PIK3C2G: variants seen among roughly 807,000 people sequenced by gnomAD.
PIK3C2G encodes phosphatidylinositol 3-kinase C2 domain-containing subunit gamma.
In PIK3C2G, 168 loss-of-function variants were observed where a neutral mutation model predicts 181.1. The ratio of observed to expected loss-of-function variants is 0.93; its 90% CI spans 0.82 to 1.05. The LOEUF (loss-of-function observed/expected upper bound fraction) is 1.05, where lower values mean the gene tolerates loss of function less well. PIK3C2G is among the 50% of genes least tolerant of loss of function. PIK3C2G has a pLI of 0.00. For missense variants in PIK3C2G, 1,869 were observed against 1,732.8 expected, an observed-to-expected ratio of 1.08 and a Z score of -1.40; for synonymous variants, 573 against 592.2, an observed-to-expected ratio of 0.97 and a Z score of 0.47.
chr12:18,482,682 A>G (rs766260511), intron 18 of PIK3C2G, among the ~76,000 whole-genome samples: 2 of 152,138 alleles, frequency 1.3e-5, no homozygotes, highest in Non-Finnish European at 2.9e-5. Flanking sequence ...GGGAAAATCA[A>G]CAAACTCTCT....
chr12:18,388,911 A>C (rs1052290946), intron 14 of PIK3C2G, among the ~76,000 whole-genome samples: 2 of 152,184 alleles, frequency 1.3e-5, no homozygotes, highest in Non-Finnish European at 2.9e-5. Context: ...TATCCCCCCC[A>C]AAAAAACATA....
chr12:18,448,978 C>CT (rs912123790), intron 18 of PIK3C2G, among the ~76,000 whole-genome samples: 1 of 151,906 alleles, frequency 6.6e-6, no homozygotes, highest in African/African-American at 2.4e-5. Context: ...GAGGGGTTGA[C>CT]TTTATTTATT....
intron 24 of PIK3C2G, among the ~76,000 whole-genome samples, chr12:18,517,873 A>G (rs1942651343): frequency 6.6e-6 from 1 of 152,190 alleles, no homozygotes; most frequent in Non-Finnish European, 1.5e-5. Flanking sequence ...TGGGTCTGTC[A>G]TAAATAGCTC....
intron 29 of PIK3C2G, among the ~76,000 whole-genome samples, chr12:18,587,823 G>A (rs1946871137): frequency 6.6e-6 from 1 of 151,418 alleles, no homozygotes. Flanking sequence ...AACAAAACTG[G>A]AGGCATCATG....
At chr12:18,512,171 A>G (rs941045262) in intron 24 of PIK3C2G, among the ~76,000 whole-genome samples, 4 of 151,938 alleles carry the variant, frequency 2.6e-5, no homozygotes, top group East Asian at 1.9e-4. Flanking sequence ...CGTTTGTTCA[A>G]TGTATCTATT....
intron 11 of PIK3C2G, among the ~76,000 whole-genome samples, chr12:18,351,317 C>T (rs184856610): frequency 2.5e-4 from 38 of 151,984 alleles, no homozygotes; most frequent in Non-Finnish European, 4.7e-4. Context: ...ACATAAAAGA[C>T]TAAAAATTAA....
chr12:18,641,396 G>C (rs907203058), intron 32 of PIK3C2G, among the ~76,000 whole-genome samples: 1 of 152,030 alleles, frequency 6.6e-6, no homozygotes, highest in Admixed American at 6.6e-5. Context: ...GAGCCCTCAG[G>C]CTCTCGTGCC....
At chr12:18,654,924 A>G in the PIK3C2G span, among the ~76,000 whole-genome samples, 2 of 152,146 alleles carry the variant, frequency 1.3e-5, no homozygotes. Context: ...GAAAAAGAAA[A>G]AAGACACTTA....
chr12:18,362,982 T>A, intron 12 of PIK3C2G, 96 bp downstream of exon 12: 1 of 902,316 alleles, frequency 1.1e-6, no homozygotes. Flanking sequence ...TTAAAAAAAA[T>A]ATGCTGCCAG....
chr12:18,250,489 C>A (rs1309768159), intron 1 of PIK3C2G, among the ~76,000 whole-genome samples: 2 of 152,056 alleles, frequency 1.3e-5, no homozygotes, highest in African/African-American at 4.8e-5. Flanking sequence ...TTTAGAGAAG[C>A]ATTTCATTTC....
chr12:18,510,801 C>T (rs943846851), intron 24 of PIK3C2G, among the ~76,000 whole-genome samples: 1 of 152,058 alleles, frequency 6.6e-6, no homozygotes, highest in Admixed American at 6.6e-5. Flanking sequence ...AAATCAAACT[C>T]GTTAACACAG....
At chr12:18,494,953 G>A (rs1319201326) in intron 20 of PIK3C2G, among the ~76,000 whole-genome samples, 4 of 151,128 alleles carry the variant, frequency 2.6e-5, no homozygotes, top group Non-Finnish European at 5.9e-5. Flanking sequence ...GAATCAATTT[G>A]ATTTTTCAAA....
In PIK3C2G at chr12:18,282,689, C is replaced by A; in HGVS notation, c.608C>A (p.Pro203Gln). 1 of 1,613,334 alleles carries A rather than the reference C, an allele frequency of 6.2e-7. No homozygotes were observed. The highest frequency in any genetic ancestry group is 8.5e-7 in the Non-Finnish European group (1 of 1,179,536). Reference protein sequence around the residue: ...KRSGHVNIVEPSLMLLKGSLQ... With the variant: ...KRSGHVNIVEQSLMLLKGSLQ... The stretch of plus-strand genomic sequence containing the variant: ...AGTGGACATGTGAACATTGTGGAAC[C>A]ATCTTTGATGCTTTTGAAAGGCTCT... The change falls in exon 2 of 33, where the codon CCA becomes CAA. Residue 203 changes from proline to glutamine, a missense_variant. Pro to Gln is a moderately conservative substitution (Grantham distance 76, BLOSUM62 -1). Transcript: ENST00000538779.
intron 26 of PIK3C2G, among the ~76,000 whole-genome samples, chr12:18,549,116 C>A (rs1944595020): frequency 6.6e-6 from 1 of 152,012 alleles, no homozygotes. Context: ...ATCCATGAAA[C>A]CTTATCTGAT....
the PIK3C2G span, among the ~76,000 whole-genome samples, chr12:18,653,499 G>A: frequency 6.6e-6 from 1 of 152,248 alleles, no homozygotes; most frequent in East Asian, 1.9e-4. Context: ...ACAAGCTCTA[G>A]TAAATTTGTA....
intron 28 of PIK3C2G, among the ~76,000 whole-genome samples, chr12:18,565,855 A>G (rs747297955): frequency 6.6e-6 from 1 of 152,146 alleles, no homozygotes; most frequent in East Asian, 1.9e-4. Flanking sequence ...GTGAATTAAT[A>G]CTTAAAACCA....
At chr12:18,614,494 C>T (rs1204803412) in intron 31 of PIK3C2G, among the ~76,000 whole-genome samples, 1 of 152,088 alleles carries the variant, frequency 6.6e-6, no homozygotes, top group African/African-American at 2.4e-5. Flanking sequence ...TGGACATTGG[C>T]ACCAAGCTAA....
At position 18,447,539 on chromosome 12, in the gene PIK3C2G, G is replaced by T. The variant is rs928263405; in HGVS notation, c.2504+23500G>T. Among the ~76,000 whole-genome samples the T allele has an allele frequency of 3.3e-5, 5 of 152,098 alleles. No homozygotes were observed. The East Asian group carries it at 9.6e-4, about 29-fold the overall frequency. The stretch of plus-strand genomic sequence containing the variant: ...CACTTCATGTCAGGTGCCCCTTCAA[G>T]ATAAAGGTAATTTTTCACGGTAATG... On this transcript the variant is annotated intron_variant, in intron 18 of 32. Coordinates refer to ENST00000538779, the MANE Select transcript of PIK3C2G (RefSeq NM_001288772.2).
At chr12:18,683,562 C>A in the PIK3C2G span, 1 of 1,481,510 alleles carries the variant, frequency 6.7e-7, no homozygotes, top group Non-Finnish European at 9.0e-7. Flanking sequence ...CCGCAAAGCG[C>A]TGCATGATCC....
Sources: allele counts gnomAD v4.1 joint callset (sites outside exome capture counted in the v4.1 genomes callset), GRCh38; gene constraint gnomAD v4.1.1; transcripts MANE v1.5; gene names NCBI Gene and HGNC (gene_info 2026-07-23, HGNC 2026-07-21).